The following ADCY4 variants were observed in gnomAD, a reference collection of about 807,000 sequenced individuals.
ADCY4 encodes adenylate cyclase type 4.
A neutral mutation model predicts 125.5 loss-of-function variants in ADCY4; 111 were observed. That is an observed-to-expected ratio of 0.88 (90% CI 0.76 to 1.04). The LOEUF is 1.04. Among genes scored for constraint, ADCY4 ranks in the 50% least tolerant of loss-of-function variants. The probability of loss-of-function intolerance (pLI) is 0.00; values close to 1 mark genes in which losing one functional copy is unlikely to be tolerated. For synonymous variants in ADCY4, 576 were observed against 586.9 expected, an observed-to-expected ratio of 0.98 and a Z score of 0.27; for missense variants, 1,256 against 1,382.9, an observed-to-expected ratio of 0.91 and a Z score of 1.46.
Position 24,323,026 on chromosome 14 carries a change from G to A in ADCY4, c.2220C>T (p.Phe740=), listed in dbSNP as rs779262132. ...LSCSLFLHMS[F]ELKLLLLLLW... ...GCAGGAGCAGCAGCAGCTTCAGCTCGAAGCTCATGTGCAGAAAGAGGGAGC... is the reference window on the plus strand; with the variant it reads ...GCAGGAGCAGCAGCAGCTTCAGCTCAAAGCTCATGTGCAGAAAGAGGGAGC... The change falls in exon 18 of 25, where the codon TTC becomes TTT. Residue 740 remains phenylalanine (F), a synonymous_variant. Transcript: ENST00000418030. The A allele has an allele frequency of 1.9e-5, 30 of 1,614,166 alleles. No individual in the cohort carries two copies. In the East Asian group the frequency reaches 4.7e-4, roughly 25 times the overall value.
Position 24,318,369 on chromosome 14 carries a change from A to G in ADCY4, c.*47T>C, listed in dbSNP as rs1260631736. Reference sequence around the variant, plus strand: ...AGCTTCAGACATCAATGGGCTCCAGACACCCCAGAGTCTCTTTATTGAGGT... The same window carrying G: ...AGCTTCAGACATCAATGGGCTCCAGGCACCCCAGAGTCTCTTTATTGAGGT... On this transcript the variant is annotated 3_prime_UTR_variant, in exon 25 of 25. Transcript: ENST00000418030. 1 of 1,591,694 alleles carries G rather than the reference A, an allele frequency of 6.3e-7. No individual in the cohort carries two copies. The highest frequency in any genetic ancestry group is 1.7e-5 in the Admixed American group (1 of 57,802).
At chr14:24,325,716 A>C (rs767964047) in intron 13 of ADCY4, 102 bp downstream of exon 13, 26 of 1,388,050 alleles carry the variant, frequency 1.9e-5, no homozygotes, top group Non-Finnish European at 2.5e-5. Flanking sequence ...CTAGGATCAC[A>C]AACTGAGCAG....
rs761669552 is a variant in ADCY4, at chr14:24,332,615, G to A, written c.426C>T (p.Ala142=). The A allele has an allele frequency of 1.8e-5, 28 of 1,581,194 alleles. No homozygotes were observed. The highest frequency in any genetic ancestry group is 2.2e-5 in the Non-Finnish European group (26 of 1,163,672). The stretch of plus-strand genomic sequence containing the variant: ...AGAGTGAGGAGGCGAGGCCCGCGAC[G>A]GCGGCGTCCCGCATGCCCAAGGGCA... ...AMLPLGMRDA[A]VAGLASSLSH... Residue 142 remains alanine, a synonymous_variant, in exon 3 of 25, where the codon GCC becomes GCT. Transcript: ENST00000418030.
Position 24,319,336 on chromosome 14 carries a change from G to A in ADCY4, c.2834C>T (p.Ala945Val), listed in dbSNP as rs370319489. The change falls in exon 22 of 25, where the codon GCA becomes GTA. Residue 945 changes from alanine (A) to valine (V), a missense_variant. Transcript: ENST00000418030. The surrounding 1 kb of genome is among the most constrained non-coding windows in gnomAD (Gnocchi z 4.5). The part of the protein sequence containing the change: ...TGLNATSGQD[A>V]QQDAERSCSH... ...AAGGAAGGGTTGCCGTACCTGTTGT[G>A]CATCCTGTCCAGAGGTGGCATTTAA... 19 of 1,614,006 alleles carry A rather than the reference G, an allele frequency of 1.2e-5. No individual in the cohort carries two copies. Among genetic ancestry groups the A allele is most frequent in the Admixed American group, 1.7e-5 (1 of 60,000 alleles).
chr14:24,324,054 G>A lies in ADCY4; in HGVS notation c.2046+8C>T. ...CATGGGGGTGGATAGGGCCCCCTCT[G>A]TCCTCACCAGGCTGGTAATGGCCAT... On this transcript the variant is annotated splice_region_variant and intron_variant, in intron 16 of 24. Transcript: ENST00000418030. 1.9e-6 allele frequency: 3 copies of A among 1,613,632 alleles called. No homozygotes were observed. Among genetic ancestry groups the A allele is most frequent in the Non-Finnish European group, 2.5e-6 (3 of 1,179,788 alleles).
In ADCY4 at chr14:24,326,296, C is replaced by T. The variant is rs771106912; in HGVS notation, c.1568+3G>A. 6.2e-6 allele frequency: 10 copies of T among 1,614,094 alleles called. No homozygotes were observed. The highest frequency in any genetic ancestry group is 3.3e-4 in the Middle Eastern group (2 of 6,062). On this transcript the variant is annotated splice_donor_region_variant and intron_variant, in intron 11 of 24. Transcript: ENST00000418030. Reference sequence around the variant, plus strand: ...ACTGGCAAAGACTTTGAGGCCTCCTCACCGATCCAGGCTCCACTGGGTGCT... The same window carrying T: ...ACTGGCAAAGACTTTGAGGCCTCCTTACCGATCCAGGCTCCACTGGGTGCT...
chr14:24,332,087 C>A, intron 3 of ADCY4, 150 bp from the exon 4 acceptor site: 8 of 1,008,058 alleles, frequency 7.9e-6, no homozygotes, highest in African/African-American at 1.7e-5. Context: ...CTGTGGCATC[C>A]CTAGGGACGT....
At chr14:24,334,376 T>TG in intron 1 of ADCY4, 118 bp downstream of exon 1, 5 of 1,437,542 alleles carry the variant, frequency 3.5e-6, no homozygotes, top group Non-Finnish European at 4.6e-6. Flanking sequence ...CCAGGCTCAA[T>TG]GGTCCTTTCT....
At chr14:24,324,498 A>T (rs1412232571) in intron 14 of ADCY4, 107 bp from the exon 15 acceptor site, 1 of 1,334,806 alleles carries the variant, frequency 7.5e-7, no homozygotes, top group Non-Finnish European at 1.1e-6. Flanking sequence ...GTTCTGGGGA[A>T]TCTGGGTTGG....
Position 24,322,205 on chromosome 14 carries a change from A to C in ADCY4, c.2447T>G (p.Leu816Arg), listed in dbSNP as rs1167275766. The change falls in exon 20 of 25, where the codon CTG becomes CGG. Residue 816 changes from leucine to arginine, a missense_variant. Transcript: ENST00000418030. ...LARQNEYYCR[L>R]DFLWKKKLRQ... ...CAGCTTCTTCTTCCACAGGAAGTCC[A>C]GGCGGCAGTAGTACTCATTCTGGGG... is the stretch of plus-strand genomic sequence containing the variant. The C allele has an allele frequency of 6.2e-7, 1 of 1,613,806 alleles. No individual in the cohort carries two copies. The highest frequency in any genetic ancestry group is 1.7e-5 in the Admixed American group (1 of 60,004).
At chr14:24,328,926 G>T (rs949686933) in intron 10 of ADCY4, 135 bp downstream of exon 10, 72 of 1,171,866 alleles carry the variant, frequency 6.1e-5, no homozygotes, top group Non-Finnish European at 8.2e-5. Flanking sequence ...TGACAAGACA[G>T]TTCGGGACTT....
intron 20 of ADCY4, among the ~76,000 whole-genome samples, chr14:24,320,764 A>G (rs964967605): frequency 5.3e-5 from 8 of 152,338 alleles, no homozygotes; most frequent in East Asian, 1.9e-4. Context: ...GCAGTGTCCA[A>G]TAGGGTGGCC....
intron 6 of ADCY4, 163 bp downstream of exon 6, chr14:24,330,855 C>T: frequency 3.2e-6 from 2 of 629,024 alleles, no homozygotes; most frequent in East Asian, 2.8e-5. Context: ...AGCTTCATGA[C>T]TGGGAATGTT....
At chr14:24,329,014 G>A in intron 10 of ADCY4, 47 bp downstream of exon 10, 1 of 1,590,682 alleles carries the variant, frequency 6.3e-7, no homozygotes, top group Non-Finnish European at 8.6e-7. Flanking sequence ...AGGATACTGG[G>A]GGTGGATTTA....
intron 1 of ADCY4, among the ~76,000 whole-genome samples, chr14:24,333,809 G>C (rs1566443059): frequency 6.6e-6 from 1 of 152,160 alleles, no homozygotes; most frequent in Non-Finnish European, 1.5e-5. Flanking sequence ...GCCAGGACCC[G>C]CGGCGTCCCG....
At chr14:24,330,117 T>C (rs773392479) in intron 7 of ADCY4, 51 bp downstream of exon 7, 1 of 1,601,680 alleles carries the variant, frequency 6.2e-7, no homozygotes, top group Non-Finnish European at 8.5e-7. Flanking sequence ...AGCTGCCTGC[T>C]GCCCCCCACA....
intron 4 of ADCY4, 184 bp from the exon 5 acceptor site, chr14:24,331,540 A>C (rs756480096): frequency 1.1e-6 from 1 of 907,328 alleles, no homozygotes; most frequent in South Asian, 1.8e-5. Context: ...TTTAGTGACT[A>C]AACTCCCAGT....
rs78391596 is a variant in ADCY4, at chr14:24,332,975, T to C, written c.173A>G (p.Asp58Gly). 24 of 1,545,162 alleles carry C rather than the reference T, an allele frequency of 1.6e-5. No individual in the cohort carries two copies. The highest frequency in any genetic ancestry group is 1.7e-5 in the Non-Finnish European group (19 of 1,142,762). Residue 58 changes from aspartate to glycine, a missense_variant, in exon 2 of 25, where the codon GAC (aspartate) becomes GGC (glycine). Physicochemically the swap from Asp to Gly is moderately conservative, Grantham distance 94. Coordinates refer to ENST00000418030, the MANE Select transcript of ADCY4 (RefSeq NM_001198568.2). ...CAGCACAGTGGTCAGGAAGCTCGGGTCTGAGGTCAGCTCCTGTGGGCAGGG... is the reference window on the plus strand; with the variant it reads ...CAGCACAGTGGTCAGGAAGCTCGGGCCTGAGGTCAGCTCCTGTGGGCAGGG... Reference protein sequence around the residue: ...AWASGRELTSDPSFLTTVLCA... With the variant: ...AWASGRELTSGPSFLTTVLCA...
At chr14:24,323,307 G>A (rs2041885612) in intron 17 of ADCY4, 37 bp downstream of exon 17, 1 of 1,519,858 alleles carries the variant, frequency 6.6e-7, no homozygotes, top group Admixed American at 2.0e-5. Context: ...GAGGAAGGGT[G>A]TGCAGAAGGA....
Sources: allele counts gnomAD v4.1 joint callset (sites outside exome capture counted in the v4.1 genomes callset), GRCh38; gene constraint gnomAD v4.1.1; non-coding constraint Gnocchi (gnomAD v3.1); transcripts MANE v1.5; gene names NCBI Gene and HGNC (gene_info 2026-07-23, HGNC 2026-07-21).